The following MAST4 variants were observed in gnomAD, a reference collection of about 807,000 sequenced individuals.
MAST4 encodes microtubule-associated serine/threonine-protein kinase 4.
MAST4 carries 89 observed loss-of-function variants against 162.7 expected under a neutral mutation model. The observed-to-expected ratio is 0.55, with a 90% CI of 0.46 to 0.65. The LOEUF (loss-of-function observed/expected upper bound fraction) is 0.65. MAST4 is among the 30% of genes least tolerant of loss of function. MAST4 has a pLI of 0.00. For missense variants in MAST4, 3,153 were observed against 3,374.0 expected (o/e 0.93, Z 1.62); for synonymous variants, 1,479 against 1,361.1 (o/e 1.09, Z -1.91).
At chr5:66,952,017 T>G (rs924408111) in intron 4 of MAST4, among the ~76,000 whole-genome samples, 1 of 152,134 alleles carries the variant, frequency 6.6e-6, no homozygotes, top group Non-Finnish European at 1.5e-5. Flanking sequence ...CTTTCTTTGA[T>G]CTCATGCATT....
At chr5:66,716,334 C>G (rs1354041201) in intron 1 of MAST4, among the ~76,000 whole-genome samples, 2 of 151,530 alleles carry the variant, frequency 1.3e-5, no homozygotes, top group African/African-American at 2.4e-5. Flanking sequence ...ATCTCTCTCT[C>G]TATGTGTGTG....
intron 5 of MAST4, among the ~76,000 whole-genome samples, chr5:67,061,839 T>C (rs1425760413): frequency 6.7e-6 from 1 of 148,696 alleles, no homozygotes; most frequent in Non-Finnish European, 1.5e-5. Context: ...AAAAAAAAAA[T>C]CTGAATTCTT....
chr5:66,789,874 A>AT, intron 3 of MAST4: 1 of 441,486 alleles, frequency 2.3e-6, no homozygotes, highest in South Asian at 1.6e-5. Context: ...GAAAATGGTG[A>AT]TTTTTCCAAC....
chr5:66,776,155 G>A (rs1161662325), intron 2 of MAST4, among the ~76,000 whole-genome samples: 2 of 152,176 alleles, frequency 1.3e-5, no homozygotes, highest in Non-Finnish European at 2.9e-5. Flanking sequence ...GTTGTGATAT[G>A]GAGTTTATTT....
intron 4 of MAST4, among the ~76,000 whole-genome samples, chr5:66,945,155 G>A (rs556621731): frequency 6.6e-6 from 1 of 152,172 alleles, no homozygotes; most frequent in South Asian, 2.1e-4. Context: ...TAGGTACAAT[G>A]GTATGACTTC....
At chr5:66,741,243 A>G (rs1752460369) in intron 1 of MAST4, among the ~76,000 whole-genome samples, 1 of 152,170 alleles carries the variant, frequency 6.6e-6, no homozygotes, top group African/African-American at 2.4e-5. Context: ...ATGATAGACT[A>G]ACCCTCATTC....
chr5:66,810,358 G>C (rs964401330), intron 3 of MAST4, among the ~76,000 whole-genome samples: 3 of 152,206 alleles, frequency 2.0e-5, no homozygotes, highest in South Asian at 2.1e-4. Flanking sequence ...GGTCACTCAG[G>C]CTGATAGACG....
chr5:67,145,387 C>T lies in MAST4; in HGVS notation c.3094+8C>T. On this transcript the variant is annotated splice_region_variant and intron_variant, in intron 23 of 28. Transcript: ENST00000403625. ...GCAGCTCCACCCTGTCAGGTAAGCCCCGGGCCATAGTGCCTGCTGTCCTCC... is the reference window on the plus strand; with the variant it reads ...GCAGCTCCACCCTGTCAGGTAAGCCTCGGGCCATAGTGCCTGCTGTCCTCC... 1 of 1,610,778 alleles carries T rather than the reference C, an allele frequency of 6.2e-7. No homozygotes were observed. The highest frequency in any genetic ancestry group is 8.5e-7 in the Non-Finnish European group (1 of 1,178,648).
In MAST4 at chr5:67,166,285, C is replaced by T. The variant is rs369026245; in HGVS notation, c.7106C>T (p.Ala2369Val). 5 of 1,559,882 alleles carry T rather than the reference C, an allele frequency of 3.2e-6. No individual in the cohort carries two copies. In the East Asian group the frequency reaches 7.2e-5, roughly 22 times the overall value. Residue 2369 changes from alanine to valine, a missense_variant, in exon 29 of 29, where the codon GCG (alanine) becomes GTG (valine). This residue lies in a region of MAST4 where 1,644 missense variants were observed against 1,495.0 expected (regional missense o/e 1.10). Coordinates refer to ENST00000403625, the MANE Select transcript of MAST4 (RefSeq NM_001164664.2). Reference protein sequence around the residue: ...SQPAANTDRRAEGKKCTEALY... With the variant: ...SQPAANTDRRVEGKKCTEALY... ...CCGGCCGCCAACACCGACAGAAGGG[C>T]GGAAGGGAAGAAATGCACTGAAGCA...
rs1466580809 is a variant in MAST4, at chr5:66,688,642, CT to C, written c.364-71062del. Among the ~76,000 whole-genome samples, 3 of 152,280 alleles carry C rather than the reference CT, an allele frequency of 2.0e-5. No individual in the cohort carries two copies. The East Asian group carries it at 5.8e-4, about 29-fold the overall frequency. The stretch of plus-strand genomic sequence containing the variant: ...AGATCATTGGTGAGTAGAGTGCTAT[CT>C]TTTTCAGTACTTCTGGAATAAGACA... On this transcript the variant is annotated intron_variant, in intron 1 of 28. Coordinates refer to ENST00000403625, the MANE Select transcript of MAST4 (RefSeq NM_001164664.2).
intron 3 of MAST4, among the ~76,000 whole-genome samples, chr5:66,803,756 A>G (rs1385000981): frequency 6.6e-6 from 1 of 152,168 alleles, no homozygotes; most frequent in Admixed American, 6.5e-5. Flanking sequence ...AATAATTTGC[A>G]AGTAATAACA....
intron 5 of MAST4, among the ~76,000 whole-genome samples, chr5:67,077,395 T>A (rs935968242): frequency 6.6e-6 from 1 of 151,946 alleles, no homozygotes; most frequent in Non-Finnish European, 1.5e-5. Flanking sequence ...TTAAGATCAC[T>A]GTTCTAAAGC....
intron 3 of MAST4, among the ~76,000 whole-genome samples, chr5:66,894,284 G>A (rs1031247525): frequency 2.0e-5 from 3 of 152,168 alleles, no homozygotes; most frequent in Non-Finnish European, 4.4e-5. Flanking sequence ...GGGCTCAGGC[G>A]TTAGTATTTT....
chr5:66,617,916 G>A (rs972763647), intron 1 of MAST4, among the ~76,000 whole-genome samples: 1 of 152,176 alleles, frequency 6.6e-6, no homozygotes, highest in African/African-American at 2.4e-5. Flanking sequence ...TGGCAGCTGG[G>A]GTTGGATAGG....
chr5:66,942,421 G>C lies in MAST4; in HGVS notation c.674+42439G>C, dbSNP rs145647860. 6.7e-3 allele frequency among the ~76,000 whole-genome samples: 1,026 copies of C among 152,252 alleles called. 14 individuals are homozygous for C. The highest frequency in any genetic ancestry group is 0.024 in the African/African-American group (981 of 41,558). Reference sequence around the variant, plus strand: ...AAAGCTGTTGGGGAATCCCAGTTAGGTTTCTTCATGACCACCTCCTTGGTC... The same window carrying C: ...AAAGCTGTTGGGGAATCCCAGTTAGCTTTCTTCATGACCACCTCCTTGGTC... On this transcript the variant is annotated intron_variant, in intron 4 of 28. Transcript: ENST00000403625.
At chr5:66,919,390 G>C (rs540425115) in intron 4 of MAST4, among the ~76,000 whole-genome samples, 3 of 151,988 alleles carry the variant, frequency 2.0e-5, no homozygotes, top group Non-Finnish European at 4.4e-5. Flanking sequence ...GCCGGGCATG[G>C]TGGCTCACAC....
chr5:66,849,445 C>A (rs1488427021), intron 3 of MAST4, among the ~76,000 whole-genome samples: 1 of 152,138 alleles, frequency 6.6e-6, no homozygotes, highest in Non-Finnish European at 1.5e-5. Flanking sequence ...CTCTCTTTAC[C>A]CTACTCCTCT....
intron 3 of MAST4, among the ~76,000 whole-genome samples, chr5:66,807,210 C>A (rs1756231431): frequency 6.6e-6 from 1 of 152,170 alleles, no homozygotes; most frequent in Non-Finnish European, 1.5e-5. Context: ...TAAAAATGTA[C>A]AATTGGCCGG....
intron 1 of MAST4, among the ~76,000 whole-genome samples, chr5:66,637,907 C>T (rs532104734): frequency 6.6e-5 from 10 of 152,206 alleles, no homozygotes; most frequent in Admixed American, 5.9e-4. Context: ...GGTGAGGTCT[C>T]ACCATGTTAC....
Sources: gnomAD v4.1 joint callset for allele counts (sites outside exome capture counted in the v4.1 genomes callset) on GRCh38, gnomAD v4.1.1 for gene constraint, gnomAD v4.1.1 regional missense constraint, MANE v1.5 for transcripts, NCBI Gene and HGNC (gene_info 2026-07-23, HGNC 2026-07-21) for gene names.